Variants in MAP3K14 observed in about 807,000 individuals in gnomAD.
The protein encoded by MAP3K14 is NF-kappa-beta-inducing kinase.
In MAP3K14, 16 loss-of-function variants were observed where a neutral mutation model predicts 99.2. That is an observed-to-expected ratio of 0.16 (90% CI 0.11 to 0.24). The LOEUF is 0.24. Among genes scored for constraint, MAP3K14 ranks in the 10% least tolerant of loss-of-function variants. MAP3K14 has a pLI of 1.00. For synonymous variants in MAP3K14, 462 were observed against 492.4 expected, an observed-to-expected ratio of 0.94 and a Z score of 0.82; for missense variants, 784 against 1,208.7, an observed-to-expected ratio of 0.65 and a Z score of 5.21.
At chr17:45,276,652 C>G (rs929587877) in intron 6 of MAP3K14, among the ~76,000 whole-genome samples, 1 of 151,532 alleles carries the variant, frequency 6.6e-6, no homozygotes, top group African/African-American at 2.4e-5. Context: ...GCTGGGATTA[C>G]AGGCACCTGC....
intron 1 of MAP3K14, among the ~76,000 whole-genome samples, chr17:45,313,551 C>T (rs539071046): frequency 6.6e-6 from 1 of 152,282 alleles, no homozygotes; most frequent in South Asian, 2.1e-4. Flanking sequence ...GTCTCTCTGA[C>T]CTGACAGCCT....
rs759037006 is a variant in MAP3K14, at chr17:45,286,425, A to G, written c.1152+6T>C. 1 of 1,579,668 alleles carries G rather than the reference A, an allele frequency of 6.3e-7. No individual in the cohort carries two copies. The highest frequency in any genetic ancestry group is 2.3e-5 in the East Asian group (1 of 44,178). On this transcript the variant is annotated splice_donor_region_variant and intron_variant, in intron 5 of 15. Coordinates refer to ENST00000344686, the MANE Select transcript of MAP3K14 (RefSeq NM_003954.5). This position sits in a 1 kb window ranked among gnomAD's most constrained non-coding sequence, Gnocchi z 4.1. ...GGACATATACAGGTGCCGGGGGATT[A>G]GTTACCTCAGTGAGCAGGACACCCT...
chr17:45,274,007 G>C (rs1032869828), intron 8 of MAP3K14, 116 bp downstream of exon 8: 1 of 1,246,274 alleles, frequency 8.0e-7, no homozygotes, highest in East Asian at 2.5e-5. Flanking sequence ...CTGTCAGCCT[G>C]ACTCAGGGCC....
rs935780056 is a variant in MAP3K14, at chr17:45,263,782, A to G, written c.*854T>C. On this transcript the variant is annotated 3_prime_UTR_variant, in exon 16 of 16. Coordinates refer to ENST00000344686, the MANE Select transcript of MAP3K14 (RefSeq NM_003954.5). ...GCTTTCCTTAGCACTGATCATGTCC[A>G]TCCACAGACTGTTCCTGTCAGGCAT... is the stretch of plus-strand genomic sequence containing the variant. 5 of 152,450 alleles carry G rather than the reference A, an allele frequency of 3.3e-5. No individual in the cohort carries two copies. The highest frequency in any genetic ancestry group is 5.9e-5 in the Non-Finnish European group (4 of 68,110). The allele number at this position is 152,450 out of a possible 1,614,324, so 9.4% of individuals were successfully genotyped here. A position where few individuals can be genotyped will look rare whatever the true frequency, so the allele number is the denominator to read the frequency against.
chr17:45,281,557 C>A, intron 6 of MAP3K14: 1 of 149,762 alleles, frequency 6.7e-6, no homozygotes, highest in Non-Finnish European at 1.5e-5. Context: ...GGCCAGATCT[C>A]CTGACCTTGT....
At chr17:45,301,667 T>C (rs1457195635) in intron 1 of MAP3K14, among the ~76,000 whole-genome samples, 1 of 152,176 alleles carries the variant, frequency 6.6e-6, no homozygotes, top group Non-Finnish European at 1.5e-5. Flanking sequence ...CGACCCTATA[T>C]ACATGTGTCG....
chr17:45,273,437 GA>G lies in MAP3K14; in HGVS notation c.1657+65del, dbSNP rs1324924688. On this transcript the variant is annotated intron_variant, in intron 9 of 15. Coordinates refer to ENST00000344686, the MANE Select transcript of MAP3K14 (RefSeq NM_003954.5). Reference sequence around the variant, plus strand: ...TGTTCACACCTCAATTCCCATTCTGGAAAGCATGGAAGGCATTTGGCGAATG... The same window carrying G: ...TGTTCACACCTCAATTCCCATTCTGGAAGCATGGAAGGCATTTGGCGAATG... 1.0e-5 allele frequency: 13 copies of G among 1,250,902 alleles called. No homozygotes were observed. The Admixed American group carries it at 2.4e-4, about 23-fold the overall frequency. 77.5% of individuals were successfully genotyped at this position (1,250,902 alleles called of 1,614,324 possible).
rs200689947 is a variant in MAP3K14, at chr17:45,265,227, T to C, written c.2615A>G (p.His872Arg). ...CCGGTGGAACTCCCGGATGTGCAGG[T>C]GTTCACCATTAAGAGACTGTATTTG... ...KVQIQSLNGE[H>R]LHIREFHRVK... Residue 872 changes from histidine to arginine, a missense_variant, in exon 15 of 16, where the codon CAC (histidine) becomes CGC (arginine). His to Arg is a conservative substitution (Grantham distance 29). This residue lies in a region of MAP3K14 where 130 missense variants were observed against 220.4 expected (regional missense o/e 0.59). Transcript: ENST00000344686. 3.5e-4 allele frequency: 557 copies of C among 1,613,682 alleles called. No individual in the cohort carries two copies. The highest frequency in any genetic ancestry group is 4.5e-4 in the Non-Finnish European group (531 of 1,179,852).
chr17:45,269,186 T>A (rs559356058), intron 11 of MAP3K14, among the ~76,000 whole-genome samples: 8 of 152,144 alleles, frequency 5.3e-5, no homozygotes, highest in African/African-American at 1.9e-4. Context: ...AATTTTTAAA[T>A]TTTTTTGCAG....
chr17:45,299,788 G>A (rs1478339502), intron 1 of MAP3K14, among the ~76,000 whole-genome samples: 2 of 152,072 alleles, frequency 1.3e-5, no homozygotes, highest in African/African-American at 4.8e-5. Context: ...AATCTGACAT[G>A]CCCTCAAAAA....
chr17:45,278,529 C>T (rs183126284), intron 6 of MAP3K14, among the ~76,000 whole-genome samples: 14 of 152,272 alleles, frequency 9.2e-5, no homozygotes, highest in African/African-American at 3.4e-4. Context: ...GGATCATTAT[C>T]CCCATTTTAT....
chr17:45,307,995 G>A (rs982141042), intron 1 of MAP3K14, among the ~76,000 whole-genome samples: 10 of 152,164 alleles, frequency 6.6e-5, no homozygotes, highest in African/African-American at 2.4e-4. Flanking sequence ...GTGGCAGAGG[G>A]GTCCCTTTAT....
intron 1 of MAP3K14, among the ~76,000 whole-genome samples, chr17:45,295,692 C>T (rs891716532): frequency 4.6e-5 from 7 of 152,232 alleles, no homozygotes; most frequent in Non-Finnish European, 8.8e-5. Context: ...GACATCTAAA[C>T]CTTGAGCTAG....
At chr17:45,288,198 C>T (rs943380653) in intron 3 of MAP3K14, among the ~76,000 whole-genome samples, 3 of 152,152 alleles carry the variant, frequency 2.0e-5, no homozygotes, top group African/African-American at 4.8e-5. Context: ...CTATCAGAGG[C>T]TCCTACCCTG....
rs569076798 is a variant in MAP3K14, at chr17:45,264,711, C to T, written c.2769G>A (p.Gln923=). 23 of 1,610,432 alleles carry T rather than the reference C, an allele frequency of 1.4e-5. No individual in the cohort carries two copies. Among genetic ancestry groups the T allele is most frequent in the East Asian group, 2.2e-5 (1 of 44,794 alleles). ...AGCTGCCATCAGGGGCCAGTGTGCA[C>T]TGCAGGTCGATGCCCGAGTCTGGCA... is the stretch of plus-strand genomic sequence containing the variant. ...MEVPDSGIDL[Q]CTLAPDGSFA... The change falls in exon 16 of 16, where the codon CAG becomes CAA. Residue 923 remains glutamine, a synonymous_variant. Transcript: ENST00000344686.
At chr17:45,275,978 G>C (rs1251365808) in intron 6 of MAP3K14, among the ~76,000 whole-genome samples, 1 of 152,090 alleles carries the variant, frequency 6.6e-6, no homozygotes, top group Non-Finnish European at 1.5e-5. Flanking sequence ...GGCCAGGCTG[G>C]TCTCAAACTC....
chr17:45,291,959 G>C (rs1448689426), intron 1 of MAP3K14, among the ~76,000 whole-genome samples: 1 of 152,234 alleles, frequency 6.6e-6, no homozygotes, highest in Non-Finnish European at 1.5e-5. Flanking sequence ...CTGGCCTTTT[G>C]CCCTGTGAGG....
Position 45,264,531 on chromosome 17 carries a change from G to T in MAP3K14, c.*105C>A. 1.5e-6 allele frequency: 2 copies of T among 1,376,170 alleles called. No homozygotes were observed. The highest frequency in any genetic ancestry group is 1.9e-6 in the Non-Finnish European group (2 of 1,043,584). The allele number at this position is 1,376,170 out of a possible 1,614,324, so 85.2% of individuals were successfully genotyped here. On this transcript the variant is annotated 3_prime_UTR_variant, in exon 16 of 16. Transcript: ENST00000344686. ...CCCTGGTCCCACTGCTGAGCCGGGG[G>T]CTGGCAGATCCCTGGGAACGGCTGA...
intron 7 of MAP3K14, 21 bp from the exon 8 acceptor site, chr17:45,274,275 C>T (rs1242848041): frequency 1.3e-6 from 2 of 1,596,290 alleles, no homozygotes; most frequent in Non-Finnish European, 8.5e-7. Context: ...AAAGGCCAGG[C>T]TATACATGGG....
Sources: allele counts gnomAD v4.1 joint callset (sites outside exome capture counted in the v4.1 genomes callset), GRCh38; gene constraint gnomAD v4.1.1; regional missense constraint gnomAD v4.1.1; non-coding constraint Gnocchi (gnomAD v3.1); transcripts MANE v1.5; gene names NCBI Gene and HGNC (gene_info 2026-07-23, HGNC 2026-07-21).